DNMT3B: variants seen among roughly 807,000 people sequenced by gnomAD.
DNMT3B encodes the protein DNA (cytosine-5)-methyltransferase 3B.
In DNMT3B, 37 loss-of-function variants were observed where a neutral mutation model predicts 120.2. The ratio of observed to expected loss-of-function variants is 0.31; its 90% CI spans 0.24 to 0.40. The LOEUF (loss-of-function observed/expected upper bound fraction) is 0.40. Ranked by LOEUF, DNMT3B falls within the 10% of genes least tolerant of loss-of-function variation. The pLI, the probability that DNMT3B is intolerant of heterozygous loss-of-function variation, is 1.00. For missense variants in DNMT3B, 878 were observed against 1,137.3 expected (o/e 0.77, Z 3.28); for synonymous variants, 412 against 442.8 (o/e 0.93, Z 0.87).
chr20:32,795,607 C>T lies in DNMT3B; in HGVS notation c.1253-43C>T, dbSNP rs143953719. The T allele has an allele frequency of 1.7e-4, 279 of 1,614,166 alleles. 1 individual carries two copies. The African/African-American group carries it at 3.2e-3, about 19-fold the overall frequency. On this transcript the variant is annotated intron_variant, in intron 11 of 22. Transcript: ENST00000328111. Reference sequence around the variant, plus strand: ...TGCAGATCAGGAATTGATCTGTACCCGGCTCCCTGACCTCATCTCATGCCT... The same window carrying T: ...TGCAGATCAGGAATTGATCTGTACCTGGCTCCCTGACCTCATCTCATGCCT...
intron 1 of DNMT3B, among the ~76,000 whole-genome samples, chr20:32,774,979 C>G (rs1987996495): frequency 1.3e-5 from 2 of 152,046 alleles, no homozygotes; most frequent in Non-Finnish European, 2.9e-5. Flanking sequence ...GCTTCAGCCT[C>G]CCAAAGTGCT....
rs758096157 is a variant in DNMT3B at position 32,802,482 on chromosome 20, C to CTCT, written c.2231+14_2231+16dup. ...CCCGGGATGAACAGGTAACAAAGGG[C>CTCT]TCTTAGTGGGTCAGGTAACAGCCAA... On this transcript the variant is annotated intron_variant, in intron 20 of 22. Transcript: ENST00000328111. The CTCT allele has an allele frequency of 4.3e-6, 7 of 1,613,704 alleles. No homozygotes were observed. Among genetic ancestry groups the CTCT allele is most frequent in the Non-Finnish European group, 8.5e-7 (1 of 1,179,682 alleles).
intron 14 of DNMT3B, 130 bp from the exon 15 acceptor site, chr20:32,798,330 A>G: frequency 8.5e-7 from 1 of 1,170,578 alleles, no homozygotes; most frequent in Non-Finnish European, 1.2e-6. Context: ...CCCGCAGGCT[A>G]TGCTGTTAAG....
At chr20:32,793,094 AGT>A (rs1330096590) in intron 9 of DNMT3B, among the ~76,000 whole-genome samples, 3 of 150,350 alleles carry the variant, frequency 2.0e-5, no homozygotes, top group African/African-American at 7.4e-5. Context: ...AAAATTGGAA[AGT>A]GTTAAAGAAG....
At position 32,787,358 on chromosome 20, in the gene DNMT3B, C is replaced by G. The variant is rs1979440982; in HGVS notation, c.561C>G (p.Pro187=). The G allele has an allele frequency of 6.2e-7, 1 of 1,614,206 alleles. No individual in the cohort carries two copies. Among genetic ancestry groups the G allele is most frequent in the East Asian group, 2.2e-5 (1 of 44,886 alleles). ...THGTPQSSST[P]YARLAQDSQQ... ...GGACGCCCCAGAGCAGCAGTACCCC[C>G]TACGCCCGCCTAGCCCAGGACAGCC... The change falls in exon 6 of 23, where the codon CCC becomes CCG. Residue 187 remains proline, a synonymous_variant. Coordinates refer to ENST00000328111, the MANE Select transcript of DNMT3B (RefSeq NM_006892.4).
At chr20:32,770,216 G>T (rs747655041) in intron 1 of DNMT3B, among the ~76,000 whole-genome samples, 3 of 151,994 alleles carry the variant, frequency 2.0e-5, no homozygotes, top group Non-Finnish European at 4.4e-5. Context: ...GGGTTCAAAC[G>T]ATTCTTCTGC....
intron 7 of DNMT3B, among the ~76,000 whole-genome samples, chr20:32,790,422 A>G (rs945411062): frequency 6.6e-6 from 1 of 152,130 alleles, no homozygotes; most frequent in Non-Finnish European, 1.5e-5. Context: ...TGAGATGACA[A>G]TATGGGACCT....
Position 32,762,522 on chromosome 20 carries a change from C to A in DNMT3B, c.-184C>A, listed in dbSNP as rs771133296. 1.9e-5 allele frequency: 6 copies of A among 314,628 alleles called. No homozygotes were observed. Among genetic ancestry groups the A allele is most frequent in the South Asian group, 4.9e-5 (2 of 40,444 alleles). The allele number at this position is 314,628 out of a possible 1,614,324, so 19.5% of individuals were successfully genotyped here. Reference sequence around the variant, plus strand: ...GCTCCCTGGCGGTCGGGCGAGCGGGCGGCAACGCTGCCCGGCCGGCAGCGC... The same window carrying A: ...GCTCCCTGGCGGTCGGGCGAGCGGGAGGCAACGCTGCCCGGCCGGCAGCGC... On this transcript the variant is annotated 5_prime_UTR_variant, in exon 1 of 23. Coordinates refer to ENST00000328111, the MANE Select transcript of DNMT3B (RefSeq NM_006892.4).
chr20:32,780,516 G>A (rs761058273), intron 2 of DNMT3B, 51 bp downstream of exon 2: 9 of 1,599,342 alleles, frequency 5.6e-6, no homozygotes, highest in East Asian at 2.2e-5. Context: ...CATAGTGAGC[G>A]GTCACTGCAG....
Position 32,798,488 on chromosome 20 carries a change from C to G in DNMT3B, c.1519C>G (p.Leu507Val). The G allele has an allele frequency of 6.2e-7, 1 of 1,614,224 alleles. No homozygotes were observed. The highest frequency in any genetic ancestry group is 8.5e-7 in the Non-Finnish European group (1 of 1,180,040). Residue 507 changes from leucine (L) to valine (V), a missense_variant, in exon 15 of 23, where the codon CTG becomes GTG. This residue lies in a region of DNMT3B where 334 missense variants were observed against 518.8 expected (regional missense o/e 0.64). Transcript: ENST00000328111. The stretch of plus-strand genomic sequence containing the variant: ...TTTCTGTGTGGAGTGCCTGGAGGTG[C>G]TGGTGGGCACAGGCACAGCGGCCGA... Reference protein sequence around the residue: ...RCFCVECLEVLVGTGTAAEAK... With the variant: ...RCFCVECLEVVVGTGTAAEAK...
intron 1 of DNMT3B, chr20:32,779,975 GC>G: frequency 8.8e-7 from 1 of 1,131,928 alleles, no homozygotes; most frequent in South Asian, 1.4e-5. Context: ...CGGCAGACGG[GC>G]CGGGACAGGC....
chr20:32,791,558 G>A (rs753125470), intron 7 of DNMT3B, 43 bp from the exon 8 acceptor site: 7 of 1,597,218 alleles, frequency 4.4e-6, no homozygotes, highest in Admixed American at 1.7e-5. Flanking sequence ...TGGCACCTGG[G>A]ACACACCTGT....
At chr20:32,767,795 G>A (rs1335768351) in intron 1 of DNMT3B, among the ~76,000 whole-genome samples, 6 of 152,206 alleles carry the variant, frequency 3.9e-5, no homozygotes, top group African/African-American at 1.4e-4. Flanking sequence ...TGTCTCCAGA[G>A]CAGCAGGCTG....
chr20:32,796,887 T>C lies in DNMT3B; in HGVS notation c.1377+18T>C, dbSNP rs1305541043. On this transcript the variant is annotated intron_variant, in intron 13 of 22. Coordinates refer to ENST00000328111, the MANE Select transcript of DNMT3B (RefSeq NM_006892.4). ...CATGCCGGGTAAGTCCTCCTACTAC[T>C]GCCCTGGACCTTCCTCCCCTTGCCT... 1 of 1,614,210 alleles carries C rather than the reference T, an allele frequency of 6.2e-7. No homozygotes were observed. The highest frequency in any genetic ancestry group is 8.5e-7 in the Non-Finnish European group (1 of 1,180,036).
rs757500338 is a variant in DNMT3B, at chr20:32,805,295, C to T, written c.2232-43C>T. On this transcript the variant is annotated intron_variant, in intron 20 of 22. Transcript: ENST00000328111. ...TCCCACCTTGTGCCTAGCAGAGGAC[C>T]CTCTATAGCTAGTAAGAAGTAATGG... 48 of 1,612,890 alleles carry T rather than the reference C, an allele frequency of 3.0e-5. No homozygotes were observed. The South Asian group carries it at 3.2e-4, about 11-fold the overall frequency.
intron 2 of DNMT3B, among the ~76,000 whole-genome samples, chr20:32,780,687 G>A (rs375474052): frequency 6.6e-6 from 1 of 152,182 alleles, no homozygotes; most frequent in Non-Finnish European, 1.5e-5. Context: ...GACTCTGAGC[G>A]TGACACAAGG....
Position 32,795,630 on chromosome 20 carries a change from CCTT to C in DNMT3B, c.1253-13_1253-11del, listed in dbSNP as rs764447584. 9.3e-6 allele frequency: 15 copies of C among 1,614,180 alleles called. No individual in the cohort carries two copies. The highest frequency in any genetic ancestry group is 4.5e-5 in the East Asian group (2 of 44,886). Reference sequence around the variant, plus strand: ...CCCGGCTCCCTGACCTCATCTCATGCCTTCTTCTTTTCTCAATAGAACAAATGG... The same window carrying C: ...CCCGGCTCCCTGACCTCATCTCATGCCTTCTTTTCTCAATAGAACAAATGG... On this transcript the variant is annotated splice_polypyrimidine_tract_variant and intron_variant, in intron 11 of 22. Transcript: ENST00000328111.
In DNMT3B at chr20:32,798,541, T is replaced by C. The variant is rs6058891; in HGVS notation, c.1572T>C (p.Cys524=). The C allele has an allele frequency of 0.51, 816,086 of 1,613,938 alleles. 222,097 individuals carry two copies. Among genetic ancestry groups the C allele is most frequent in the East Asian group, 1 (44,778 of 44,868 alleles). The part of the protein sequence containing the change: ...AEAKLQEPWS[C]YMCLPQRCHG... ...CCAAGCTTCAGGAGCCCTGGAGCTG[T>C]TACATGTGTCTCCCGCAGCGCTGTC... Residue 524 remains cysteine, a synonymous_variant, in exon 15 of 23, where the codon TGT becomes TGC. Transcript: ENST00000328111.
Position 32,805,384 on chromosome 20 carries a change from T to C in DNMT3B, c.2278T>C (p.Leu760=). The change falls in exon 21 of 23, where the codon TTG becomes CTG. Residue 760 remains leucine (L), a synonymous_variant. Transcript: ENST00000328111. The part of the protein sequence containing the change: ...KNDKLELQDC[L]EYNRIAKLKK... ...TGATAAACTCGAGCTGCAGGACTGCTTGGAATACAATAGGATAGCCAAGGT... is the reference window on the plus strand; with the variant it reads ...TGATAAACTCGAGCTGCAGGACTGCCTGGAATACAATAGGATAGCCAAGGT... 6.2e-7 allele frequency: 1 copy of C among 1,614,100 alleles called. No individual in the cohort carries two copies. Among genetic ancestry groups the C allele is most frequent in the Non-Finnish European group, 8.5e-7 (1 of 1,180,014 alleles).
Sources: allele counts gnomAD v4.1 joint callset (sites outside exome capture counted in the v4.1 genomes callset), GRCh38; gene constraint gnomAD v4.1.1; regional missense constraint gnomAD v4.1.1; transcripts MANE v1.5; gene names NCBI Gene and HGNC (gene_info 2026-07-23, HGNC 2026-07-21).